The following DNA2 variants were observed in gnomAD, a reference collection of about 807,000 sequenced individuals.
The protein encoded by DNA2 is DNA replication helicase/nuclease 2.
A neutral mutation model predicts 119.1 loss-of-function variants in DNA2; 101 were observed. The ratio of observed to expected loss-of-function variants is 0.85; its 90% CI spans 0.72 to 1.00. DNA2 has a LOEUF of 1.00. Among genes scored for constraint, DNA2 ranks in the 50% least tolerant of loss-of-function variants. DNA2 has a pLI of 0.00. For synonymous variants in DNA2, 366 were observed against 424.4 expected, an observed-to-expected ratio of 0.86 and a Z score of 1.69; for missense variants, 1,121 against 1,255.5, an observed-to-expected ratio of 0.89 and a Z score of 1.62.
Position 68,450,132 on chromosome 10 carries a change from T to C in DNA2, c.835A>G (p.Thr279Ala). The change falls in exon 6 of 21, where the codon ACA becomes GCA. Residue 279 changes from threonine to alanine, a missense_variant. Thr to Ala is a moderately conservative substitution (Grantham distance 58, BLOSUM62 0). Transcript: ENST00000358410. ...RFGLKGKIDV[T>A]VGVKIHRGYK... ...CCTCGATGTATTTTCACACCAACTG[T>C]AACATCTATTTTGCCTTTCAATCCA... The C allele has an allele frequency of 6.2e-7, 1 of 1,607,574 alleles. No homozygotes were observed. The highest frequency in any genetic ancestry group is 1.7e-4 in the Middle Eastern group (1 of 6,056).
Position 68,417,069 on chromosome 10 carries a change from C to A in DNA2, c.2968-214G>T, listed in dbSNP as rs150416519. Reference sequence around the variant, plus strand: ...GACCAGCCCGTGCAACACAGTGAGACCCCATCTCTACAAAATATACAAAAA... The same window carrying A: ...GACCAGCCCGTGCAACACAGTGAGAACCCATCTCTACAAAATATACAAAAA... On this transcript the variant is annotated intron_variant, in intron 19 of 20. Transcript: ENST00000358410. Among the ~76,000 whole-genome samples, 241 of 152,056 alleles carry A rather than the reference C, an allele frequency of 1.6e-3. 2 individuals carry two copies. Among genetic ancestry groups the A allele is most frequent in the Admixed American group, 6.6e-3 (100 of 15,256 alleles).
chr10:68,462,862 C>T (rs1235123389), intron 4 of DNA2, among the ~76,000 whole-genome samples: 2 of 152,180 alleles, frequency 1.3e-5, no homozygotes, highest in Non-Finnish European at 2.9e-5. Context: ...GGCATGGTGG[C>T]TCACACCTAT....
intron 4 of DNA2, among the ~76,000 whole-genome samples, chr10:68,464,936 T>C (rs893370327): frequency 1.1e-4 from 17 of 148,146 alleles, no homozygotes; most frequent in Non-Finnish European, 3.0e-5. Flanking sequence ...GAGAAACACA[T>C]GAGCCCAGTC....
chr10:68,468,697 T>C (rs1211738907), intron 2 of DNA2, among the ~76,000 whole-genome samples: 2 of 152,180 alleles, frequency 1.3e-5, no homozygotes, highest in Non-Finnish European at 2.9e-5. Flanking sequence ...ATCTACAGCT[T>C]GTATAAGTCT....
intron 6 of DNA2, among the ~76,000 whole-genome samples, chr10:68,448,245 A>T (rs901046327): frequency 6.6e-5 from 10 of 151,920 alleles, no homozygotes; most frequent in African/African-American, 2.4e-4. Context: ...AATAATACTA[A>T]CTCTACAGTT....
chr10:68,431,223 G>A (rs28432338), intron 13 of DNA2, among the ~76,000 whole-genome samples: 10,396 of 91,270 alleles, frequency 0.11, 1,206 homozygotes, highest in African/African-American at 0.34. Flanking sequence ...AAAAAAAAAA[G>A]AAAAAGAAAA....
At chr10:68,423,860 C>A (rs1347837996) in intron 14 of DNA2, among the ~76,000 whole-genome samples, 1 of 152,210 alleles carries the variant, frequency 6.6e-6, no homozygotes, top group East Asian at 1.9e-4. Flanking sequence ...TCGACTCCCA[C>A]CTGGCAGGAA....
intron 8 of DNA2, 39 bp downstream of exon 8, chr10:68,444,882 A>T: frequency 6.4e-7 from 1 of 1,556,094 alleles, no homozygotes; most frequent in Non-Finnish European, 8.8e-7. Flanking sequence ...TTGAGTTCAT[A>T]CTCAACTAGA....
Position 68,422,207 on chromosome 10 carries a change from A to G in DNA2, c.2697+18T>C, listed in dbSNP as rs190301454. ...TAGGACAAAATGAGAAAAACTAAAC[A>G]GAAATTTTTTTTTTTACCTTGTCTG... On this transcript the variant is annotated intron_variant, in intron 17 of 20. Transcript: ENST00000358410. 3.5e-4 allele frequency: 521 copies of G among 1,505,636 alleles called. 2 individuals carry two copies. The Middle Eastern group carries it at 3.5e-3, about 10-fold the overall frequency. 93.3% of individuals were successfully genotyped at this position (1,505,636 alleles called of 1,614,324 possible). A position where few individuals can be genotyped will look rare whatever the true frequency, so the allele number is the denominator to read the frequency against.
At chr10:68,424,646 C>G (rs765215850) in intron 14 of DNA2, 97 of 1,603,232 alleles carry the variant, frequency 6.1e-5, no homozygotes, top group Admixed American at 2.8e-4. Context: ...ACCGGAAGAT[C>G]ATGTCATCCC....
Position 68,431,887 on chromosome 10 carries a change from C to T in DNA2, c.1958G>A (p.Gly653Glu). The change falls in exon 13 of 21, where the codon GGA becomes GAA. Residue 653 changes from glycine to glutamate, a missense_variant. By Grantham distance (98) the Gly-to-Glu change is moderately conservative. Transcript: ENST00000358410. ...YTLIVGMPGT[G>E]KTTTICTLVR... The stretch of plus-strand genomic sequence containing the variant: ...GAGAGTACATATCGTAGTTGTTTTT[C>T]CTGTCCCAGGCATACCCACGATGAG... 6.2e-7 allele frequency: 1 copy of T among 1,613,166 alleles called. No individual in the cohort carries two copies. The highest frequency in any genetic ancestry group is 1.3e-5 in the African/African-American group (1 of 75,016).
chr10:68,460,139 C>T (rs554131133), intron 4 of DNA2, among the ~76,000 whole-genome samples: 1 of 152,074 alleles, frequency 6.6e-6, no homozygotes, highest in South Asian at 2.1e-4. Flanking sequence ...CAGGGTCTCA[C>T]GCTGTCACCC....
At chr10:68,464,898 T>A (rs1390309877) in intron 4 of DNA2, among the ~76,000 whole-genome samples, 2 of 150,880 alleles carry the variant, frequency 1.3e-5, no homozygotes, top group Non-Finnish European at 2.9e-5. Flanking sequence ...GTACCTGTTG[T>A]TCCAGATACT....
chr10:68,420,996 T>G (rs2051657111), intron 17 of DNA2, among the ~76,000 whole-genome samples: 1 of 151,826 alleles, frequency 6.6e-6, no homozygotes, highest in Non-Finnish European at 1.5e-5. Flanking sequence ...TGGAGTGCAG[T>G]GGCGCGATCT....
At chr10:68,445,147 A>G (rs1382904504) in intron 7 of DNA2, 64 bp from the exon 8 acceptor site, 4 of 1,424,578 alleles carry the variant, frequency 2.8e-6, no homozygotes, top group Non-Finnish European at 3.8e-6. Flanking sequence ...CTTTTTCACT[A>G]CATATGTAAA....
intron 10 of DNA2, among the ~76,000 whole-genome samples, chr10:68,433,583 G>A (rs2051849247): frequency 6.6e-6 from 1 of 152,072 alleles, no homozygotes; most frequent in East Asian, 1.9e-4. Context: ...AGGCTAGAGT[G>A]CAGTGGCATG....
chr10:68,470,586 C>A, intron 1 of DNA2: 1 of 454,042 alleles, frequency 2.2e-6, no homozygotes, highest in Non-Finnish European at 4.4e-6. Flanking sequence ...TGCACCCCTT[C>A]CTGAGCGACA....
At chr10:68,440,781 AAAT>A (rs1247170047) in intron 9 of DNA2, among the ~76,000 whole-genome samples, 2 of 152,200 alleles carry the variant, frequency 1.3e-5, no homozygotes, top group Non-Finnish European at 2.9e-5. Flanking sequence ...AATATTAGGG[AAAT>A]AATAATCCAA....
In DNA2 at chr10:68,466,781, A is replaced by G. The variant is rs1360596267; in HGVS notation, c.442-969T>C. Among the ~76,000 whole-genome samples the G allele has an allele frequency of 2.6e-5, 4 of 152,054 alleles. No homozygotes were observed. The East Asian group carries it at 5.8e-4, about 22-fold the overall frequency. On this transcript the variant is annotated intron_variant, in intron 3 of 20. Coordinates refer to ENST00000358410, the MANE Select transcript of DNA2 (RefSeq NM_001080449.3). ...TTTTTAATAGAGATGGGGTTTGACC[A>G]TGTCAGCCAGGATGGTCTTGATCTC...
Sources: gnomAD v4.1 joint callset for allele counts (sites outside exome capture counted in the v4.1 genomes callset) on GRCh38, gnomAD v4.1.1 for gene constraint, MANE v1.5 for transcripts, NCBI Gene and HGNC (gene_info 2026-07-23, HGNC 2026-07-21) for gene names.